CNST: variants seen among roughly 807,000 people sequenced by gnomAD.
The protein encoded by CNST is consortin, connexin sorting protein.
In CNST, 39 loss-of-function variants were observed where a neutral mutation model predicts 72.4. The ratio of observed to expected loss-of-function variants is 0.54; its 90% CI spans 0.42 to 0.70. CNST has a LOEUF of 0.70. Ranked by LOEUF, CNST falls within the 30% of genes least tolerant of loss-of-function variation. The pLI is 0.00. For missense variants in CNST, 871 were observed against 868.5 expected (o/e 1.00, Z -0.04); for synonymous variants, 332 against 320.1 (o/e 1.04, Z -0.40).
chr1:246,575,706 G>A (rs1289953055), intron 1 of CNST, among the ~76,000 whole-genome samples: 2 of 152,152 alleles, frequency 1.3e-5, no homozygotes, highest in African/African-American at 2.4e-5. Flanking sequence ...TGCATTTTAA[G>A]TGGGTGAATT....
At chr1:246,598,375 T>C (rs1256415497) in intron 2 of CNST, among the ~76,000 whole-genome samples, 1 of 152,170 alleles carries the variant, frequency 6.6e-6, no homozygotes, top group Non-Finnish European at 1.5e-5. Context: ...ATTTTACTTC[T>C]TTTGTCAGTA....
intron 1 of CNST, among the ~76,000 whole-genome samples, chr1:246,586,550 T>TG (rs1157806519): frequency 2.0e-5 from 3 of 151,346 alleles, no homozygotes; most frequent in Non-Finnish European, 4.4e-5. Context: ...GACTCTTGCA[T>TG]GTTAGTCCCT....
Position 246,580,537 on chromosome 1 carries a change from G to GAC in CNST, c.-51-10974_-51-10973dup, listed in dbSNP as rs200728868. On this transcript the variant is annotated intron_variant, in intron 1 of 10. Transcript: ENST00000366513. Reference sequence around the variant, plus strand: ...AGGAGGACTGGAAGCAGAATTTTCAGACGTTTCTTTCTAAATGGATTCTAT... The same window carrying GAC: ...AGGAGGACTGGAAGCAGAATTTTCAGACACGTTTCTTTCTAAATGGATTCTAT... Among the ~76,000 whole-genome samples the GAC allele has an allele frequency of 4.3e-3, 661 of 152,188 alleles. 2 individuals are homozygous for GAC. Among genetic ancestry groups the GAC allele is most frequent in the African/African-American group, 0.015 (635 of 41,522 alleles).
intron 1 of CNST, among the ~76,000 whole-genome samples, chr1:246,571,459 T>C (rs1660062716): frequency 6.6e-6 from 1 of 152,170 alleles, no homozygotes; most frequent in African/African-American, 2.4e-5. Context: ...CAAATGGTTT[T>C]TATCTTAGTT....
chr1:246,664,643 G>C (rs373545921), intron 10 of CNST, among the ~76,000 whole-genome samples: 1 of 151,544 alleles, frequency 6.6e-6, no homozygotes, highest in African/African-American at 2.4e-5. Flanking sequence ...AGCCAGGATG[G>C]TCTCGATCTC....
intron 2 of CNST, among the ~76,000 whole-genome samples, chr1:246,611,129 C>G (rs1663289770): frequency 6.6e-6 from 1 of 152,176 alleles, no homozygotes; most frequent in Non-Finnish European, 1.5e-5. Context: ...TGCTCTGCTC[C>G]CTTCAAAAGC....
intron 2 of CNST, among the ~76,000 whole-genome samples, chr1:246,601,375 C>G (rs1489942331): frequency 6.6e-6 from 1 of 152,062 alleles, no homozygotes. Context: ...GATGAGCCAC[C>G]AACTGTTAGT....
At position 246,647,123 on chromosome 1, in the gene CNST, T is replaced by C. The variant is rs771079492; in HGVS notation, c.938-16T>C. 1 of 1,584,590 alleles carries C rather than the reference T, an allele frequency of 6.3e-7. No homozygotes were observed. The highest frequency in any genetic ancestry group is 8.6e-7 in the Non-Finnish European group (1 of 1,167,498). ...TTGTTTTGAATTTTTAACAATTTAT[T>C]TTTCTTCATCTTTAGAGAGTAAAAC... On this transcript the variant is annotated splice_polypyrimidine_tract_variant and intron_variant, in intron 8 of 10. Transcript: ENST00000366513.
At chr1:246,593,433 C>T (rs1403721313) in intron 2 of CNST, among the ~76,000 whole-genome samples, 1 of 151,988 alleles carries the variant, frequency 6.6e-6, no homozygotes, top group Non-Finnish European at 1.5e-5. Flanking sequence ...AGCAATTCTC[C>T]TTCCTCAGAT....
intron 1 of CNST, among the ~76,000 whole-genome samples, chr1:246,578,716 G>T (rs1420926481): frequency 6.6e-6 from 1 of 151,402 alleles, no homozygotes; most frequent in African/African-American, 2.4e-5. Context: ...CTCTTCTAAG[G>T]CTAAATAGTA....
At chr1:246,634,856 G>C (rs925519714) in intron 6 of CNST, among the ~76,000 whole-genome samples, 7 of 152,070 alleles carry the variant, frequency 4.6e-5, no homozygotes, top group Non-Finnish European at 1.0e-4. Flanking sequence ...ACGTGAGGAC[G>C]GGGCAGGGGT....
chr1:246,567,689 A>G (rs1357069459), intron 1 of CNST, among the ~76,000 whole-genome samples: 1 of 152,220 alleles, frequency 6.6e-6, no homozygotes, highest in South Asian at 2.1e-4. Context: ...ATTTGTTAGG[A>G]CATCATAGAA....
At chr1:246,640,578 C>T (rs1230324299) in intron 6 of CNST, among the ~76,000 whole-genome samples, 1 of 152,164 alleles carries the variant, frequency 6.6e-6, no homozygotes, top group African/African-American at 2.4e-5. Flanking sequence ...GAATTTAGAA[C>T]ATGAATTCTC....
At chr1:246,653,404 A>C (rs1666598348) in intron 9 of CNST, among the ~76,000 whole-genome samples, 1 of 152,204 alleles carries the variant, frequency 6.6e-6, no homozygotes, top group African/African-American at 2.4e-5. Flanking sequence ...TGCTCTATGG[A>C]TCCGGAACAA....
chr1:246,618,893 G>T (rs1357384338), intron 2 of CNST, among the ~76,000 whole-genome samples: 1 of 152,154 alleles, frequency 6.6e-6, no homozygotes, highest in Non-Finnish European at 1.5e-5. Context: ...TGGAAAGGGA[G>T]TCATCAATTC....
chr1:246,592,069 G>A (rs1249879417), intron 2 of CNST, 128 bp downstream of exon 2: 22 of 706,992 alleles, frequency 3.1e-5, no homozygotes, highest in African/African-American at 3.6e-5. Context: ...TAGTTCCGCC[G>A]CAGCACAAGT....
At chr1:246,619,709 G>C (rs1483174685) in intron 2 of CNST, among the ~76,000 whole-genome samples, 1 of 152,230 alleles carries the variant, frequency 6.6e-6, no homozygotes, top group Non-Finnish European at 1.5e-5. Context: ...CAGAAAGGCA[G>C]GAAGTATTTT....
rs746033634 is a variant in CNST, at chr1:246,621,447, T to C, written c.398T>C (p.Ile133Thr). Residue 133 changes from isoleucine (I) to threonine (T), a missense_variant, in exon 3 of 11, where the codon ATT becomes ACT. Coordinates refer to ENST00000366513, the MANE Select transcript of CNST (RefSeq NM_152609.3). Reference sequence around the variant, plus strand: ...CTTAAAGGACTTTTTTCAGGAGATATTGCACCTTTAATGCAAGAAAAAGTA... The same window carrying C: ...CTTAAAGGACTTTTTTCAGGAGATACTGCACCTTTAATGCAAGAAAAAGTA... ...KIPPGLFSGDIAPLMQEKVLS... is the reference protein window; with the variant it reads ...KIPPGLFSGDTAPLMQEKVLS... The C allele has an allele frequency of 2.5e-6, 4 of 1,613,672 alleles. No individual in the cohort carries two copies. Among genetic ancestry groups the C allele is most frequent in the East Asian group, 4.5e-5 (2 of 44,886 alleles).
At chr1:246,584,687 G>A (rs1011374556) in intron 1 of CNST, among the ~76,000 whole-genome samples, 5 of 152,070 alleles carry the variant, frequency 3.3e-5, no homozygotes, top group African/African-American at 7.2e-5. Context: ...AGACCGTCCC[G>A]GCAGCCCTGC....
Sources: allele counts gnomAD v4.1 joint callset (sites outside exome capture counted in the v4.1 genomes callset), GRCh38; gene constraint gnomAD v4.1.1; transcripts MANE v1.5; gene names NCBI Gene and HGNC (gene_info 2026-07-23, HGNC 2026-07-21).